The following ELOVL7 variants were observed in gnomAD, a reference collection of about 807,000 sequenced individuals.
The protein encoded by ELOVL7 is ELOVL fatty acid elongase 7, also known as very long chain fatty acid elongase 7.
In ELOVL7, 27 loss-of-function variants were observed where a neutral mutation model predicts 35.7. That is an observed-to-expected ratio of 0.76 (90% CI 0.56 to 1.04). ELOVL7 has a LOEUF of 1.04. Among genes scored for constraint, ELOVL7 ranks in the 50% least tolerant of loss-of-function variants. The pLI, the probability that ELOVL7 is intolerant of heterozygous loss-of-function variation, is 0.00. For synonymous variants in ELOVL7, 113 were observed against 114.6 expected (o/e 0.99, Z 0.09); for missense variants, 327 against 340.8 (o/e 0.96, Z 0.32).
In ELOVL7 at chr5:60,752,451, A is replaced by T. The variant is rs562358304; in HGVS notation, c.*2173T>A. The stretch of plus-strand genomic sequence containing the variant: ...GTTTCATCTCTTTTATTTTTGCCTC[A>T]TTTTGGTCTCTATACTACTTGGGTT... On this transcript the variant is annotated 3_prime_UTR_variant, in exon 9 of 9. Transcript: ENST00000508821. The T allele has an allele frequency of 3.1e-4, 47 of 152,764 alleles. No homozygotes were observed. Among genetic ancestry groups the T allele is most frequent in the African/African-American group, 1.1e-3 (47 of 41,572 alleles). 9.5% of individuals were successfully genotyped at this position (152,764 alleles called of 1,614,324 possible). A position where few individuals can be genotyped will look rare whatever the true frequency, so the allele number is the denominator to read the frequency against.
chr5:60,811,190 A>G (rs1202028537), intron 1 of ELOVL7, among the ~76,000 whole-genome samples: 1 of 152,180 alleles, frequency 6.6e-6, no homozygotes, highest in African/African-American at 2.4e-5. Context: ...AAAACTTTGC[A>G]AATTAGCTGC....
chr5:60,762,800 C>A (rs1300235944), intron 7 of ELOVL7, among the ~76,000 whole-genome samples: 1 of 152,112 alleles, frequency 6.6e-6, no homozygotes, highest in Admixed American at 6.5e-5. Context: ...TGTATAGGAT[C>A]CTCATTTTAG....
intron 4 of ELOVL7, among the ~76,000 whole-genome samples, chr5:60,770,919 C>T (rs1479457447): frequency 2.0e-5 from 3 of 152,140 alleles, no homozygotes; most frequent in Non-Finnish European, 2.9e-5. Context: ...AGGCTGGTCT[C>T]AAACTCCTGG....
chr5:60,790,885 T>C (rs1171344553), intron 2 of ELOVL7, among the ~76,000 whole-genome samples: 2 of 152,204 alleles, frequency 1.3e-5, no homozygotes, highest in Non-Finnish European at 2.9e-5. Flanking sequence ...TTTGTAAGGT[T>C]TGTAGCACAG....
At chr5:60,793,358 G>A (rs979915976) in intron 2 of ELOVL7, among the ~76,000 whole-genome samples, 2 of 152,144 alleles carry the variant, frequency 1.3e-5, no homozygotes, top group African/African-American at 4.8e-5. Flanking sequence ...ATGGGCTCAT[G>A]AGACTGAACT....
chr5:60,829,577 C>T (rs1301908756), intron 1 of ELOVL7, among the ~76,000 whole-genome samples: 1 of 152,076 alleles, frequency 6.6e-6, no homozygotes, highest in East Asian at 1.9e-4. Context: ...TATAAATCTA[C>T]CTGTTTGTGA....
At chr5:60,833,272 T>C (rs895352211) in intron 1 of ELOVL7, among the ~76,000 whole-genome samples, 1 of 152,204 alleles carries the variant, frequency 6.6e-6, no homozygotes, top group Non-Finnish European at 1.5e-5. Flanking sequence ...CCTCGTGTCC[T>C]CAACAGTATA....
chr5:60,825,304 C>T (rs1305629269), intron 1 of ELOVL7, among the ~76,000 whole-genome samples: 2 of 152,182 alleles, frequency 1.3e-5, no homozygotes, highest in African/African-American at 4.8e-5. Flanking sequence ...AGTTCTTTTC[C>T]TCCAGATATC....
At chr5:60,839,831 C>A (rs1460059819) in intron 1 of ELOVL7, among the ~76,000 whole-genome samples, 1 of 152,162 alleles carries the variant, frequency 6.6e-6, no homozygotes, top group East Asian at 1.9e-4. Context: ...GAGACTCTGT[C>A]TCTATAAAAG....
chr5:60,763,611 G>T (rs577533111), intron 7 of ELOVL7, among the ~76,000 whole-genome samples: 75 of 152,260 alleles, frequency 4.9e-4, no homozygotes, highest in African/African-American at 1.8e-3. Flanking sequence ...TTTCTCCAAT[G>T]CTTGATGTTC....
chr5:60,771,920 C>A lies in ELOVL7; in HGVS notation c.238G>T (p.Val80Leu). The A allele has an allele frequency of 6.2e-7, 1 of 1,610,864 alleles. No homozygotes were observed. The highest frequency in any genetic ancestry group is 8.5e-7 in the Non-Finnish European group (1 of 1,178,502). The change falls in exon 4 of 9, where the codon GTG becomes TTG. Residue 80 changes from valine to leucine, a missense_variant. Physicochemically the swap from Val to Leu is conservative, Grantham distance 32. Coordinates refer to ENST00000508821, the MANE Select transcript of ELOVL7 (RefSeq NM_024930.3). ...ACACTTGCCTCATAACACATATACA[C>A]AGAAAAGAGTACTATGAAAAAATTG... is the stretch of plus-strand genomic sequence containing the variant. Reference protein sequence around the residue: ...TYNFFIVLFSVYMCYEFVMSG... With the variant: ...TYNFFIVLFSLYMCYEFVMSG...
At chr5:60,808,385 C>G (rs1210027627) in intron 1 of ELOVL7, among the ~76,000 whole-genome samples, 4 of 152,008 alleles carry the variant, frequency 2.6e-5, no homozygotes, top group Admixed American at 2.6e-4. Context: ...CAATCAATAG[C>G]AAGACAAATC....
At chr5:60,810,030 A>G (rs1011210976) in intron 1 of ELOVL7, among the ~76,000 whole-genome samples, 1 of 152,218 alleles carries the variant, frequency 6.6e-6, no homozygotes, top group Non-Finnish European at 1.5e-5. Context: ...AAATGACTAT[A>G]AACAAATTAT....
chr5:60,786,675 A>G (rs778971720), intron 3 of ELOVL7, among the ~76,000 whole-genome samples: 5 of 152,110 alleles, frequency 3.3e-5, no homozygotes, highest in South Asian at 2.1e-4. Context: ...GGCCGGGCAC[A>G]GTGGCTCACA....
intron 6 of ELOVL7, among the ~76,000 whole-genome samples, chr5:60,765,587 A>G (rs1742186719): frequency 6.6e-6 from 1 of 152,174 alleles, no homozygotes; most frequent in Non-Finnish European, 1.5e-5. Context: ...GCATCATCTG[A>G]GAACTTGTTA....
At chr5:60,759,023 A>C (rs938656345) in intron 7 of ELOVL7, among the ~76,000 whole-genome samples, 2 of 152,212 alleles carry the variant, frequency 1.3e-5, no homozygotes, top group African/African-American at 4.8e-5. Flanking sequence ...AGAAAATCTA[A>C]CAAAACTGTT....
intron 7 of ELOVL7, among the ~76,000 whole-genome samples, chr5:60,759,603 A>C (rs1005234798): frequency 2.7e-5 from 3 of 113,190 alleles, no homozygotes; most frequent in African/African-American, 5.2e-5. Context: ...AGGCGTGCCT[A>C]TTTTCTTTTT....
chr5:60,796,811 A>G (rs1224843273), intron 2 of ELOVL7, among the ~76,000 whole-genome samples: 1 of 152,236 alleles, frequency 6.6e-6, no homozygotes, highest in Non-Finnish European at 1.5e-5. Flanking sequence ...GTTGGTTTAG[A>G]GGCAAATGGA....
intron 6 of ELOVL7, among the ~76,000 whole-genome samples, chr5:60,764,876 A>G (rs1483264822): frequency 6.6e-6 from 1 of 152,198 alleles, no homozygotes; most frequent in African/African-American, 2.4e-5. Flanking sequence ...AAAACTGCAT[A>G]GAAAAAAAAT....
Sources: gnomAD v4.1 joint callset for allele counts (sites outside exome capture counted in the v4.1 genomes callset) on GRCh38, gnomAD v4.1.1 for gene constraint, MANE v1.5 for transcripts, NCBI Gene and HGNC (gene_info 2026-07-23, HGNC 2026-07-21) for gene names.